ARHGAP10: variants seen among roughly 807,000 people sequenced by gnomAD.
ARHGAP10 encodes the protein Rho GTPase activating protein 10, also known as rho GTPase-activating protein 10.
In ARHGAP10, 87 loss-of-function variants were observed where a neutral mutation model predicts 108.6. The observed-to-expected ratio is 0.80, with a 90% CI of 0.67 to 0.96. The LOEUF is 0.96. Among genes scored for constraint, ARHGAP10 ranks in the 40% least tolerant of loss-of-function variants. The pLI, the probability that ARHGAP10 is intolerant of heterozygous loss-of-function variation, is 0.00. For synonymous variants in ARHGAP10, 347 were observed against 341.1 expected (o/e 1.02, Z -0.19); for missense variants, 939 against 954.5 (o/e 0.98, Z 0.21).
intron 1 of ARHGAP10, among the ~76,000 whole-genome samples, chr4:147,815,019 G>T (rs529302210): frequency 2.3e-4 from 35 of 152,282 alleles, no homozygotes; most frequent in Admixed American, 1.7e-3. Flanking sequence ...AAGCTTAAAA[G>T]ATTTGTTTGC....
At chr4:148,064,100 A>G (rs1729749329) in intron 21 of ARHGAP10, among the ~76,000 whole-genome samples, 1 of 152,204 alleles carries the variant, frequency 6.6e-6, no homozygotes, top group Non-Finnish European at 1.5e-5. Context: ...GGAGATAAAC[A>G]TGTCCTGTGG....
intron 18 of ARHGAP10, among the ~76,000 whole-genome samples, chr4:147,978,349 T>C (rs1739679316): frequency 6.6e-6 from 1 of 152,160 alleles, no homozygotes; most frequent in African/African-American, 2.4e-5. Context: ...TTTTTGACTT[T>C]TTAAATAATC....
intron 17 of ARHGAP10, among the ~76,000 whole-genome samples, chr4:147,966,170 A>G (rs1260359334): frequency 6.6e-6 from 1 of 152,224 alleles, no homozygotes; most frequent in Non-Finnish European, 1.5e-5. Context: ...TTCTGGGGAA[A>G]GAGTGAGTTT....
Position 147,845,804 on chromosome 4 carries a change from G to A in ARHGAP10, c.313-1347G>A, listed in dbSNP as rs138132405. ...TATGAGACACTGTGTGTAAATTCATGCACTGTGAAAACGTATGCTAGCACT... is the reference window on the plus strand; with the variant it reads ...TATGAGACACTGTGTGTAAATTCATACACTGTGAAAACGTATGCTAGCACT... On this transcript the variant is annotated intron_variant, in intron 3 of 22. Transcript: ENST00000336498. Among the ~76,000 whole-genome samples the A allele has an allele frequency of 1.5e-3, 224 of 152,296 alleles. 1 individual carries two copies. The highest frequency in any genetic ancestry group is 5.1e-3 in the African/African-American group (210 of 41,564).
At chr4:147,742,217 G>T (rs1474242576) in intron 1 of ARHGAP10, among the ~76,000 whole-genome samples, 1 of 151,854 alleles carries the variant, frequency 6.6e-6, no homozygotes, top group Admixed American at 6.6e-5. Context: ...TTTATTAGCT[G>T]TGTGACTTTG....
chr4:147,826,749 C>T (rs970977943), intron 3 of ARHGAP10, among the ~76,000 whole-genome samples: 3 of 152,140 alleles, frequency 2.0e-5, no homozygotes, highest in African/African-American at 7.2e-5. Context: ...ACAAATACTT[C>T]AGTATATATC....
At chr4:147,814,729 G>T (rs531340101) in intron 1 of ARHGAP10, among the ~76,000 whole-genome samples, 21 of 152,258 alleles carry the variant, frequency 1.4e-4, no homozygotes, top group African/African-American at 2.6e-4. Context: ...TTGAAATAGT[G>T]TTCTCATCTG....
chr4:147,978,587 C>T (rs756515646), intron 18 of ARHGAP10, among the ~76,000 whole-genome samples: 6 of 152,116 alleles, frequency 3.9e-5, no homozygotes, highest in Admixed American at 1.3e-4. Flanking sequence ...TCTCCTGCTC[C>T]GCCACAGTAA....
At chr4:147,867,224 T>A (rs1339769587) in intron 7 of ARHGAP10, among the ~76,000 whole-genome samples, 1 of 152,346 alleles carries the variant, frequency 6.6e-6, no homozygotes, top group East Asian at 1.9e-4. Context: ...TTTATGCATA[T>A]TTACTAATGC....
At chr4:147,939,931 GTTAT>G (rs1738108563) in intron 14 of ARHGAP10, 32 bp downstream of exon 14, 3 of 1,560,554 alleles carry the variant, frequency 1.9e-6, no homozygotes, top group Non-Finnish European at 2.6e-6. Context: ...TTTTCCATGT[GTTAT>G]TTGTGTATGT....
intron 13 of ARHGAP10, 85 bp downstream of exon 13, chr4:147,913,224 T>A (rs771224575): frequency 9.9e-6 from 12 of 1,213,736 alleles, no homozygotes; most frequent in Non-Finnish European, 1.3e-5. Flanking sequence ...TGCTTTTAAG[T>A]GTTACAGAAT....
chr4:147,803,796 A>G (rs113312527), intron 1 of ARHGAP10, among the ~76,000 whole-genome samples: 1 of 152,156 alleles, frequency 6.6e-6, no homozygotes, highest in Non-Finnish European at 1.5e-5. Flanking sequence ...GTATTCCATT[A>G]TATCTATCTA....
At chr4:147,741,906 A>G (rs1195024904) in intron 1 of ARHGAP10, among the ~76,000 whole-genome samples, 1 of 152,066 alleles carries the variant, frequency 6.6e-6, no homozygotes, top group Non-Finnish European at 1.5e-5. Flanking sequence ...AGTTGCTGCC[A>G]TAGCTAGGCC....
At chr4:147,785,421 G>A (rs1730850241) in intron 1 of ARHGAP10, among the ~76,000 whole-genome samples, 1 of 152,120 alleles carries the variant, frequency 6.6e-6, no homozygotes, top group Non-Finnish European at 1.5e-5. Flanking sequence ...ATAAGTGAAA[G>A]CTGTATTGTG....
chr4:147,755,181 A>T (rs1729317139), intron 1 of ARHGAP10, among the ~76,000 whole-genome samples: 1 of 152,136 alleles, frequency 6.6e-6, no homozygotes, highest in Non-Finnish European at 1.5e-5. Context: ...AAAACCAAAG[A>T]TGTAACATTT....
At chr4:148,069,436 T>C (rs1217540495) in intron 22 of ARHGAP10, among the ~76,000 whole-genome samples, 1 of 152,150 alleles carries the variant, frequency 6.6e-6, no homozygotes, top group Non-Finnish European at 1.5e-5. Flanking sequence ...GAGGCGTCTC[T>C]CTGGTTTGTT....
At chr4:148,015,952 C>T (rs573593257) in intron 18 of ARHGAP10, among the ~76,000 whole-genome samples, 125 of 152,214 alleles carry the variant, frequency 8.2e-4, no homozygotes, top group African/African-American at 2.9e-3. Context: ...GACATCAGCA[C>T]AGAGGACACA....
rs115859558 is a variant in ARHGAP10 at position 147,918,773 on chromosome 4, G to C, written c.1228+5634G>C. 1.4e-3 allele frequency among the ~76,000 whole-genome samples: 217 copies of C among 152,334 alleles called. 2 individuals are homozygous for C. Among genetic ancestry groups the C allele is most frequent in the African/African-American group, 5.0e-3 (208 of 41,580 alleles). On this transcript the variant is annotated intron_variant, in intron 13 of 22. Transcript: ENST00000336498. ...GATTGAGTGAGAAAAGAAAGAATAT[G>C]TCATGTCTCTCACATGGGTACTGAG...
At chr4:148,068,804 T>G (rs1181044763) in intron 22 of ARHGAP10, among the ~76,000 whole-genome samples, 1 of 152,162 alleles carries the variant, frequency 6.6e-6, no homozygotes, top group South Asian at 2.1e-4. Flanking sequence ...TTCAGTGATT[T>G]CAGTACTTGT....
Sources: gnomAD v4.1 joint callset for allele counts (sites outside exome capture counted in the v4.1 genomes callset) on GRCh38, gnomAD v4.1.1 for gene constraint, MANE v1.5 for transcripts, NCBI Gene and HGNC (gene_info 2026-07-23, HGNC 2026-07-21) for gene names.